Variants in ACAN observed in about 807,000 individuals in gnomAD.
The protein encoded by ACAN is aggrecan.
ACAN carries 47 observed loss-of-function variants against 169.1 expected under a neutral mutation model. The ratio of observed to expected loss-of-function variants is 0.28; its 90% CI spans 0.22 to 0.35. ACAN has a LOEUF of 0.35. Among genes scored for constraint, ACAN ranks in the 10% least tolerant of loss-of-function variants. ACAN has a pLI of 1.00. For synonymous variants in ACAN, 1,115 were observed against 1,112.2 expected, an observed-to-expected ratio of 1.00 and a Z score of -0.05; for missense variants, 2,716 against 2,759.9, an observed-to-expected ratio of 0.98 and a Z score of 0.36.
chr15:88,849,531 G>A lies in ACAN; in HGVS notation c.1826G>A (p.Gly609Asp), dbSNP rs868746592. 3 of 1,606,352 alleles carry A rather than the reference G, an allele frequency of 1.9e-6. No homozygotes were observed. The highest frequency in any genetic ancestry group is 2.5e-6 in the Non-Finnish European group (3 of 1,176,640). ...CACAATGCTACGCTGGCCACCACGG[G>A]CCAGCTCTACGCCGCCTGGAGCCGC... ...ESHNATLATT[G>D]QLYAAWSRGL... The change falls in exon 10 of 19, where the codon GGC becomes GAC. Residue 609 changes from glycine to aspartate, a missense_variant. Transcript: ENST00000560601. The surrounding 1 kb of genome is among the most constrained non-coding windows in gnomAD (Gnocchi z 5.1).
At chr15:88,824,053 A>T (rs544518165) in intron 1 of ACAN, among the ~76,000 whole-genome samples, 1 of 152,130 alleles carries the variant, frequency 6.6e-6, no homozygotes, top group African/African-American at 2.4e-5. Flanking sequence ...GGCCGGGCGC[A>T]GTGGCTCACG....
rs1297367819 is a variant in ACAN at position 88,857,023 on chromosome 15, T to A, written c.4438T>A (p.Ser1480Thr). ...TTCTGGAGGAGAAGTTCTAGAGATT[T>A]CTGTCTCTGGAGTAGAGGACATCAG... ...LPSGGEVLEISVSGVEDISGL... is the reference protein window; with the variant it reads ...LPSGGEVLEITVSGVEDISGL... The change falls in exon 12 of 19, where the codon TCT (serine) becomes ACT (threonine). Residue 1480 changes from serine (S) to threonine (T), a missense_variant. Physicochemically the swap from Ser to Thr is moderately conservative, Grantham distance 58. Around this residue, in one of 3 missense-constraint regions of ACAN, gnomAD observed 1,389 missense variants for 1,363.7 expected, o/e 1.02. Transcript: ENST00000560601. 3.1e-6 allele frequency: 5 copies of A among 1,609,646 alleles called. 1 individual carries two copies. The Admixed American group carries it at 8.4e-5, about 27-fold the overall frequency.
chr15:88,864,833 T>G (rs1456369463), intron 13 of ACAN, among the ~76,000 whole-genome samples: 1 of 152,246 alleles, frequency 6.6e-6, no homozygotes, highest in East Asian at 1.9e-4. Flanking sequence ...AAGTATGCAC[T>G]GAACAGCTTG....
chr15:88,868,410 G>T lies in ACAN; in HGVS notation c.7060+81G>T. 2 of 632,384 alleles carry T rather than the reference G, an allele frequency of 3.2e-6. No homozygotes were observed. The highest frequency in any genetic ancestry group is 2.8e-5 in the East Asian group (1 of 35,446). The allele number at this position is 632,384 out of a possible 1,614,324, so 39.2% of individuals were successfully genotyped here. A position where few individuals can be genotyped will look rare whatever the true frequency, so the allele number is the denominator to read the frequency against. ...CCTCACCTTTCCCTCCTAACAACAG[G>T]CTCCAGGCCCTGGCTGGGGCCCCCG... On this transcript the variant is annotated intron_variant, in intron 14 of 18. Coordinates refer to ENST00000560601, the MANE Select transcript of ACAN (RefSeq NM_001369268.1). This position sits in a 1 kb window ranked among gnomAD's most constrained non-coding sequence, Gnocchi z 5.2.
In ACAN at chr15:88,873,842, T is replaced by C. The variant is rs775742882; in HGVS notation, c.7448T>C (p.Val2483Ala). The change falls in exon 18 of 19, where the codon GTG (valine) becomes GCG (alanine). Residue 2483 changes from valine to alanine, a missense_variant and splice_region_variant. Transcript: ENST00000560601. This position sits in a 1 kb window ranked among gnomAD's most constrained non-coding sequence, Gnocchi z 7.5. ...HLPFTCKKGT[V>A]ACGEPPVVEH... The stretch of plus-strand genomic sequence containing the variant: ...TTTATAAAGGGTGTTTGCCCCTCAG[T>C]GGCCTGCGGAGAGCCCCCTGTGGTG... The C allele has an allele frequency of 6.2e-7, 1 of 1,613,650 alleles. No homozygotes were observed. The highest frequency in any genetic ancestry group is 2.2e-5 in the East Asian group (1 of 44,866).
rs771476372 is a variant in ACAN, at chr15:88,857,248, C to G, written c.4663C>G (p.Leu1555Val). Reference sequence around the variant, plus strand: ...TGGACTTCCTTCTGGAGGAGAAGGTCTAGAGACCTCTGCTTCTGAAGTAGG... The same window carrying G: ...TGGACTTCCTTCTGGAGGAGAAGGTGTAGAGACCTCTGCTTCTGAAGTAGG... ...LSGLPSGGEGLETSASEVGTD... is the reference protein window; with the variant it reads ...LSGLPSGGEGVETSASEVGTD... The change falls in exon 12 of 19, where the codon CTA (leucine) becomes GTA (valine). Residue 1555 changes from leucine (L) to valine (V), a missense_variant. Transcript: ENST00000560601. The G allele has an allele frequency of 5.6e-6, 9 of 1,613,700 alleles. No individual in the cohort carries two copies. In the South Asian group the frequency reaches 9.9e-5, roughly 18 times the overall value.
chr15:88,873,882 C>T lies in ACAN; in HGVS notation c.7488C>T (p.Thr2496=), dbSNP rs781700675. The change falls in exon 18 of 19, where the codon ACC becomes ACT. Residue 2496 remains threonine, a synonymous_variant. Coordinates refer to ENST00000560601, the MANE Select transcript of ACAN (RefSeq NM_001369268.1). This position sits in a 1 kb window ranked among gnomAD's most constrained non-coding sequence, Gnocchi z 7.5. ...GEPPVVEHAR[T]FGQKKDRYEI... ...CCCCTGTGGTGGAGCATGCCAGGAC[C>T]TTCGGGCAGAAGAAGGACCGGTATG... 4.3e-6 allele frequency: 7 copies of T among 1,613,722 alleles called. No homozygotes were observed. The highest frequency in any genetic ancestry group is 1.7e-5 in the Admixed American group (1 of 60,000).
chr15:88,865,722 C>G (rs566496211), intron 13 of ACAN, among the ~76,000 whole-genome samples: 2 of 152,222 alleles, frequency 1.3e-5, no homozygotes, highest in African/African-American at 2.4e-5. Flanking sequence ...GGGCCCAGCC[C>G]AACTCCTCTA....
intron 6 of ACAN, among the ~76,000 whole-genome samples, chr15:88,844,298 T>A (rs866553653): frequency 1.2e-3 from 182 of 149,486 alleles, no homozygotes; most frequent in African/African-American, 4.3e-3. Flanking sequence ...GCTTTGCTTT[T>A]TTTTTTTTTT....
Position 88,872,940 on chromosome 15 carries a change from T to C in ACAN, c.7362T>C (p.Cys2454=). The C allele has an allele frequency of 6.2e-7, 1 of 1,613,794 alleles. No homozygotes were observed. Among genetic ancestry groups the C allele is most frequent in the Admixed American group, 1.7e-5 (1 of 60,016 alleles). Residue 2454 remains cysteine (C), a synonymous_variant, in exon 17 of 19, where the codon TGT becomes TGC. Transcript: ENST00000560601. The surrounding 1 kb of genome is among the most constrained non-coding windows in gnomAD (Gnocchi z 5.4). ...PDNFFAAGED[C]VVMIWHEKGE... is the part of the protein sequence containing the mutation. ...ACTTTTTTGCCGCTGGAGAGGACTG[T>C]GTGGTGATGATCTGGCACGAGAAGG...
chr15:88,837,354 C>T (rs1896530821), intron 2 of ACAN, among the ~76,000 whole-genome samples: 1 of 152,216 alleles, frequency 6.6e-6, no homozygotes, highest in South Asian at 2.1e-4. Context: ...GAATTTAAAT[C>T]TGTGCTTTCA....
At chr15:88,830,436 TGGTACAGCCTACTACACTCCTA>T (rs1896330523) in intron 1 of ACAN, among the ~76,000 whole-genome samples, 1 of 152,200 alleles carries the variant, frequency 6.6e-6, no homozygotes, top group South Asian at 2.1e-4. Context: ...CAAACCTGGA[TGGTACAGCCTACTACACTCCTA>T]GGCCATATGG....
chr15:88,833,935 C>T (rs1896434520), intron 1 of ACAN, among the ~76,000 whole-genome samples: 1 of 152,140 alleles, frequency 6.6e-6, no homozygotes, highest in African/African-American at 2.4e-5. Flanking sequence ...ACAGGCGGGC[C>T]TTGTGTCTGA....
At chr15:88,828,156 A>T (rs144735602) in intron 1 of ACAN, among the ~76,000 whole-genome samples, 12 of 152,152 alleles carry the variant, frequency 7.9e-5, no homozygotes, top group Non-Finnish European at 1.6e-4. Context: ...TGGCATTTGC[A>T]TGGGGCCTCA....
At chr15:88,828,652 G>A (rs1896285264) in intron 1 of ACAN, among the ~76,000 whole-genome samples, 1 of 152,168 alleles carries the variant, frequency 6.6e-6, no homozygotes, top group Non-Finnish European at 1.5e-5. Flanking sequence ...CAGGTCCCTG[G>A]CCATGAGGGA....
At chr15:88,844,574 T>C (rs1180395931) in intron 6 of ACAN, among the ~76,000 whole-genome samples, 1 of 152,112 alleles carries the variant, frequency 6.6e-6, no homozygotes, top group African/African-American at 2.4e-5. Flanking sequence ...GGTTTCACCA[T>C]GTTGACCAGG....
Position 88,849,593 on chromosome 15 carries a change from G to T in ACAN, c.1888G>T (p.Gly630Cys). The T allele has an allele frequency of 6.2e-7, 1 of 1,608,746 alleles. No homozygotes were observed. Among genetic ancestry groups the T allele is most frequent in the Non-Finnish European group, 8.5e-7 (1 of 1,178,194 alleles). Residue 630 changes from glycine (G) to cysteine (C), a missense_variant, in exon 10 of 19, where the codon GGC (glycine) becomes TGC (cysteine). Gly to Cys is a radical substitution (Grantham distance 159). Coordinates refer to ENST00000560601, the MANE Select transcript of ACAN (RefSeq NM_001369268.1). This position sits in a 1 kb window ranked among gnomAD's most constrained non-coding sequence, Gnocchi z 5.1. Reference protein sequence around the residue: ...DKCYAGWLADGSLRYPIVTPR... With the variant: ...DKCYAGWLADCSLRYPIVTPR... The stretch of plus-strand genomic sequence containing the variant: ...GTGCTATGCCGGCTGGCTGGCCGAC[G>T]GCAGCCTCCGCTACCCCATCGTCAC...
rs772604061 is a variant in ACAN at position 88,855,450 on chromosome 15, T to C, written c.2865T>C (p.Ser955=). 12 of 1,613,678 alleles carry C rather than the reference T, an allele frequency of 7.4e-6. No homozygotes were observed. Among genetic ancestry groups the C allele is most frequent in the South Asian group, 4.4e-5 (4 of 91,084 alleles). Residue 955 remains serine (S), a synonymous_variant, in exon 12 of 19, where the codon AGT becomes AGC. Coordinates refer to ENST00000560601, the MANE Select transcript of ACAN (RefSeq NM_001369268.1). ...EGSASGVGDL[S]GLPSGEVLET... ...CTGCCTCTGGAGTTGGGGATCTCAGTGGACTTCCTTCTGGAGAAGTTCTAG... is the reference window on the plus strand; with the variant it reads ...CTGCCTCTGGAGTTGGGGATCTCAGCGGACTTCCTTCTGGAGAAGTTCTAG...
rs1227885528 is a variant in ACAN, at chr15:88,869,203, C to T, written c.7060+874C>T. On this transcript the variant is annotated intron_variant, in intron 14 of 18. Transcript: ENST00000560601. The surrounding 1 kb of genome is among the most constrained non-coding windows in gnomAD (Gnocchi z 4.2). ...CAGCTCAGAAAAGGGGAGATGAGAC[C>T]TTTGGATACTTGTCTCAGTGGCCCA... Among the ~76,000 whole-genome samples the T allele has an allele frequency of 2.0e-5, 3 of 152,186 alleles. No individual in the cohort carries two copies. Among genetic ancestry groups the T allele is most frequent in the Non-Finnish European group, 4.4e-5 (3 of 68,040 alleles).
Sources: allele counts gnomAD v4.1 joint callset (sites outside exome capture counted in the v4.1 genomes callset), GRCh38; gene constraint gnomAD v4.1.1; regional missense constraint gnomAD v4.1.1; non-coding constraint Gnocchi (gnomAD v3.1); transcripts MANE v1.5; gene names NCBI Gene and HGNC (gene_info 2026-07-23, HGNC 2026-07-21).